The following KIAA0586 variants were observed in gnomAD, a reference collection of about 807,000 sequenced individuals.
KIAA0586 encodes the protein KIAA0586.
A neutral mutation model predicts 169.8 loss-of-function variants in KIAA0586; 144 were observed. The observed-to-expected ratio is 0.85, with a 90% confidence interval of 0.74 to 0.97. KIAA0586 has a LOEUF of 0.97. KIAA0586 is among the 50% of genes least tolerant of loss of function. The pLI is 0.00. For synonymous variants in KIAA0586, 625 were observed against 612.4 expected (o/e 1.02, Z -0.30); for missense variants, 1,854 against 1,823.0 (o/e 1.02, Z -0.31).
chr14:58,507,149 TAA>T (rs1442396095), intron 27 of KIAA0586, among the ~76,000 whole-genome samples: 4 of 75,172 alleles, frequency 5.3e-5, no homozygotes, highest in Admixed American at 2.0e-4. Flanking sequence ...ACTCTGTCTT[TAA>T]AAAAAAAAAA....
chr14:58,442,825 C>T lies in KIAA0586; in HGVS notation c.530C>T (p.Thr177Ile), dbSNP rs1225411266. The T allele has an allele frequency of 6.2e-7, 1 of 1,610,976 alleles. No homozygotes were observed. Among genetic ancestry groups the T allele is most frequent in the Admixed American group, 1.7e-5 (1 of 59,612 alleles). ...RISPSGIDSA[T>I]TVAAATAAAI... is the part of the protein sequence containing the mutation. ...TCACCCAGTGGAATTGATTCAGCTA[C>T]AACCGTGGCTGCAGCAACTGCTGCT... Residue 177 changes from threonine (T) to isoleucine (I), a missense_variant, in exon 5 of 31, where the codon ACA becomes ATA. Thr to Ile is a moderately conservative substitution (Grantham distance 89, BLOSUM62 -1). Transcript: ENST00000652326.
chr14:58,487,069 T>G lies in KIAA0586; in HGVS notation c.3207T>G (p.Pro1069=). The change falls in exon 22 of 31, where the codon CCT becomes CCG. Residue 1069 remains proline (P), a synonymous_variant. Transcript: ENST00000652326. ...CGCCTCCTTGCTCACCTTCATCACC[T>G]GCTAAGGAGTGTGTTTTGGTAAAGA... ...QPTPPCSPSS[P]AKECVLVKTP... is the part of the protein sequence containing the mutation. 1 of 1,613,460 alleles carries G rather than the reference T, an allele frequency of 6.2e-7. No individual in the cohort carries two copies. The highest frequency in any genetic ancestry group is 1.1e-5 in the South Asian group (1 of 91,044).
chr14:58,429,581 G>A lies in KIAA0586; in HGVS notation c.270+148G>A, dbSNP rs1846793651. 1.3e-5 allele frequency: 8 copies of A among 614,852 alleles called. No individual in the cohort carries two copies. The East Asian group carries it at 1.9e-4, about 15-fold the overall frequency. The allele number at this position is 614,852 out of a possible 1,614,324, so 38.1% of individuals were successfully genotyped here. On this transcript the variant is annotated intron_variant, in intron 2 of 30. Coordinates refer to ENST00000652326, the MANE Select transcript of KIAA0586 (RefSeq NM_001329943.3). ...CAAATGTTTTATATACTACAATTGT[G>A]ACTTTGAATGGTGTTTGAGACATTA...
At chr14:58,435,975 C>G (rs2037790192) in intron 4 of KIAA0586, among the ~76,000 whole-genome samples, 1 of 152,136 alleles carries the variant, frequency 6.6e-6, no homozygotes, top group Non-Finnish European at 1.5e-5. Context: ...TTCTAAAGTG[C>G]TGGGATTACA....
At chr14:58,430,584 G>T in intron 2 of KIAA0586, 64 bp from the exon 3 acceptor site, 1 of 992,764 alleles carries the variant, frequency 1.0e-6, no homozygotes, top group South Asian at 1.5e-5. Flanking sequence ...GCTAGTAAAC[G>T]GTTCTTGATA....
At chr14:58,477,997 G>T (rs1017578663) in intron 20 of KIAA0586, among the ~76,000 whole-genome samples, 2 of 151,930 alleles carry the variant, frequency 1.3e-5, no homozygotes, top group Admixed American at 1.3e-4. Context: ...TAAGTGTACA[G>T]TTTGACAAGT....
At chr14:58,496,700 A>T (rs2043179625) in intron 26 of KIAA0586, among the ~76,000 whole-genome samples, 1 of 152,172 alleles carries the variant, frequency 6.6e-6, no homozygotes, top group Non-Finnish European at 1.5e-5. Flanking sequence ...AGTCAATGGA[A>T]TCATCAAAGG....
intron 27 of KIAA0586, among the ~76,000 whole-genome samples, chr14:58,503,459 T>G (rs575894822): frequency 2.6e-4 from 39 of 152,296 alleles, no homozygotes; most frequent in African/African-American, 8.7e-4. Flanking sequence ...ATATTCCAGT[T>G]TGTTCATTTA....
intron 17 of KIAA0586, among the ~76,000 whole-genome samples, chr14:58,471,436 C>G (rs1163903746): frequency 6.6e-6 from 1 of 152,140 alleles, no homozygotes; most frequent in Non-Finnish European, 1.5e-5. Context: ...TTCTTCCTGG[C>G]ATTTATTTGC....
At chr14:58,502,340 A>G (rs1330516069) in intron 27 of KIAA0586, among the ~76,000 whole-genome samples, 1 of 152,054 alleles carries the variant, frequency 6.6e-6, no homozygotes, top group Non-Finnish European at 1.5e-5. Flanking sequence ...GGGTTTTGCC[A>G]TGTTGGCCAG....
At chr14:58,455,747 C>G (rs946490332) in intron 9 of KIAA0586, among the ~76,000 whole-genome samples, 4 of 152,114 alleles carry the variant, frequency 2.6e-5, no homozygotes, top group African/African-American at 7.2e-5. Context: ...CCTCCAGTGC[C>G]TGGCAGATTA....
At chr14:58,484,906 A>ATATTTT (rs2042308619) in intron 21 of KIAA0586, among the ~76,000 whole-genome samples, 2 of 26,192 alleles carry the variant, frequency 7.6e-5, no homozygotes, top group Non-Finnish European at 1.5e-4. Flanking sequence ...ATATATATAT[A>ATATTTT]TATATATATA....
At chr14:58,551,895 T>A (rs942243193), downstream of KIAA0586, among the ~76,000 whole-genome samples, 3 of 152,186 alleles carry the variant, frequency 2.0e-5, no homozygotes, top group Non-Finnish European at 2.9e-5. Flanking sequence ...ATTTCTGCGA[T>A]GTTACTAAGA....
the KIAA0586 span, among the ~76,000 whole-genome samples, chr14:58,559,818 AGTGGT>A: frequency 6.6e-6 from 1 of 152,116 alleles, no homozygotes; most frequent in East Asian, 1.9e-4. Context: ...ATACAAAAGG[AGTGGT>A]TCCAAATCTG....
intron 29 of KIAA0586, among the ~76,000 whole-genome samples, chr14:58,539,025 C>T (rs2046475540): frequency 6.6e-6 from 1 of 152,170 alleles, no homozygotes; most frequent in Admixed American, 6.5e-5. Context: ...AGTGATCCAC[C>T]TGTCTCAAAC....
At chr14:58,506,870 A>G (rs2043987744) in intron 27 of KIAA0586, among the ~76,000 whole-genome samples, 1 of 128,350 alleles carries the variant, frequency 7.8e-6, no homozygotes, top group Non-Finnish European at 1.6e-5. Flanking sequence ...GGCTGGGTGC[A>G]GTGCAGTGGC....
At chr14:58,534,245 G>A (rs2046152205) in intron 29 of KIAA0586, among the ~76,000 whole-genome samples, 1 of 152,078 alleles carries the variant, frequency 6.6e-6, no homozygotes, top group African/African-American at 2.4e-5. Flanking sequence ...ATCAGCTTTG[G>A]TAATTATCAA....
chr14:58,473,904 C>G (rs1222918342), intron 18 of KIAA0586, among the ~76,000 whole-genome samples: 1 of 151,278 alleles, frequency 6.6e-6, no homozygotes, highest in Non-Finnish European at 1.5e-5. Context: ...GAAACTCTGT[C>G]TTAAAGAAAA....
intron 29 of KIAA0586, among the ~76,000 whole-genome samples, chr14:58,531,273 G>A (rs1199088510): frequency 6.6e-6 from 1 of 150,392 alleles, no homozygotes; most frequent in Non-Finnish European, 1.5e-5. Flanking sequence ...CTTGCAGTGA[G>A]CCGAGATTGC....
Sources: allele counts gnomAD v4.1 joint callset (sites outside exome capture counted in the v4.1 genomes callset), GRCh38; gene constraint gnomAD v4.1.1; transcripts MANE v1.5; gene names NCBI Gene and HGNC (gene_info 2026-07-23, HGNC 2026-07-21).